The following CNTNAP2 variants were observed in gnomAD, a reference collection of about 807,000 sequenced individuals.
CNTNAP2 encodes contactin associated protein 2, also known as contactin-associated protein-like 2.
CNTNAP2 carries 98 observed loss-of-function variants against 155.2 expected under a neutral mutation model. The ratio of observed to expected loss-of-function variants is 0.63; its 90% CI spans 0.54 to 0.75. CNTNAP2 has a LOEUF of 0.75. CNTNAP2 is among the 30% of genes least tolerant of loss of function. The pLI, the probability that CNTNAP2 is intolerant of heterozygous loss-of-function variation, is 0.00. For synonymous variants in CNTNAP2, 651 were observed against 631.2 expected, an observed-to-expected ratio of 1.03 and a Z score of -0.47; for missense variants, 1,727 against 1,688.1, an observed-to-expected ratio of 1.02 and a Z score of -0.40.
At chr7:146,932,253 T>C (rs1166788343) in intron 3 of CNTNAP2, among the ~76,000 whole-genome samples, 1 of 152,200 alleles carries the variant, frequency 6.6e-6, no homozygotes, top group African/African-American at 2.4e-5. Context: ...CAAGTGGGCT[T>C]CATCCCTGGG....
intron 1 of CNTNAP2, among the ~76,000 whole-genome samples, chr7:146,266,825 T>C (rs1444468140): frequency 1.3e-5 from 2 of 151,016 alleles, no homozygotes; most frequent in Admixed American, 1.3e-4. Flanking sequence ...TCACACTCCG[T>C]CCACATCCTC....
At chr7:147,371,631 C>T (rs540826389) in intron 9 of CNTNAP2, among the ~76,000 whole-genome samples, 1 of 152,006 alleles carries the variant, frequency 6.6e-6, no homozygotes, top group East Asian at 1.9e-4. Context: ...ACCAAGTTCT[C>T]CTAGATTCAC....
intron 13 of CNTNAP2, among the ~76,000 whole-genome samples, chr7:147,721,645 A>G (rs1228529120): frequency 1.3e-5 from 2 of 152,052 alleles, no homozygotes; most frequent in Non-Finnish European, 1.5e-5. Context: ...TATTTCTGTC[A>G]TCTAAAAAAT....
At chr7:146,360,278 G>A (rs1325507267) in intron 1 of CNTNAP2, among the ~76,000 whole-genome samples, 1 of 152,058 alleles carries the variant, frequency 6.6e-6, no homozygotes, top group East Asian at 1.9e-4. Flanking sequence ...TCAGTGAGTG[G>A]GTTATAATCC....
intron 4 of CNTNAP2, among the ~76,000 whole-genome samples, chr7:147,062,665 G>A (rs59383933): frequency 0.04 from 6,031 of 152,180 alleles, 292 homozygotes; most frequent in East Asian, 0.19. Context: ...CACCATGGCT[G>A]GCTGAAGGTA....
chr7:146,238,257 C>T (rs1430889774), intron 1 of CNTNAP2, among the ~76,000 whole-genome samples: 2 of 152,114 alleles, frequency 1.3e-5, no homozygotes, highest in African/African-American at 2.4e-5. Context: ...GAATCAGGAA[C>T]GAATGGTTGT....
At chr7:146,929,405 A>C (rs1479723852) in intron 3 of CNTNAP2, among the ~76,000 whole-genome samples, 1 of 152,178 alleles carries the variant, frequency 6.6e-6, no homozygotes, top group Non-Finnish European at 1.5e-5. Flanking sequence ...AAACTAACAA[A>C]CATAAAGGAC....
At chr7:146,685,727 GA>G (rs11384116) in intron 1 of CNTNAP2, among the ~76,000 whole-genome samples, 32 of 149,192 alleles carry the variant, frequency 2.1e-4, no homozygotes, top group Admixed American at 7.3e-4. Flanking sequence ...AGGTGAATTA[GA>G]AAAAAAAAAT....
At chr7:148,116,087 C>T (rs1563204247) in intron 15 of CNTNAP2, among the ~76,000 whole-genome samples, 1 of 151,232 alleles carries the variant, frequency 6.6e-6, no homozygotes, top group Non-Finnish European at 1.5e-5. Flanking sequence ...TGCAGTGAGC[C>T]TAGATCGTGC....
chr7:146,975,727 G>C (rs1797897053), intron 3 of CNTNAP2, among the ~76,000 whole-genome samples: 1 of 152,122 alleles, frequency 6.6e-6, no homozygotes, highest in Non-Finnish European at 1.5e-5. Context: ...AATTAGGAAG[G>C]CTTTATTTTG....
intron 9 of CNTNAP2, among the ~76,000 whole-genome samples, chr7:147,310,710 T>G (rs1203881904): frequency 6.6e-6 from 1 of 150,858 alleles, no homozygotes; most frequent in Non-Finnish European, 1.5e-5. Context: ...GTATCCTTCA[T>G]GTTTCATGAA....
chr7:148,069,140 T>A (rs1294996105), intron 15 of CNTNAP2, among the ~76,000 whole-genome samples: 1 of 152,218 alleles, frequency 6.6e-6, no homozygotes, highest in Non-Finnish European at 1.5e-5. Context: ...CTGTTTTATA[T>A]ATTTTGTCCA....
At chr7:146,931,561 GCAGAA>G (rs1384495575) in intron 3 of CNTNAP2, among the ~76,000 whole-genome samples, 10 of 150,762 alleles carry the variant, frequency 6.6e-5, no homozygotes, top group Non-Finnish European at 1.3e-4. Flanking sequence ...TCAAAAGCTA[GCAGAA>G]GGCAAGAAAT....
chr7:148,411,825 G>C (rs181971726), intron 23 of CNTNAP2, among the ~76,000 whole-genome samples: 2 of 147,224 alleles, frequency 1.4e-5, no homozygotes, highest in Non-Finnish European at 3.0e-5. Flanking sequence ...GAATTTTCTT[G>C]GCACTTTTGT....
chr7:146,327,496 C>T (rs548817994), intron 1 of CNTNAP2, among the ~76,000 whole-genome samples: 12 of 152,198 alleles, frequency 7.9e-5, no homozygotes, highest in Admixed American at 2.0e-4. Flanking sequence ...TAGAATGTAA[C>T]TCCTGAAATA....
chr7:146,886,150 T>C (rs1427965708), intron 3 of CNTNAP2, among the ~76,000 whole-genome samples: 1 of 152,038 alleles, frequency 6.6e-6, no homozygotes, highest in African/African-American at 2.4e-5. Flanking sequence ...AAAGAGCATC[T>C]GAAGCCTAGA....
chr7:148,211,134 G>A (rs73744788), intron 18 of CNTNAP2, among the ~76,000 whole-genome samples: 2 of 152,326 alleles, frequency 1.3e-5, no homozygotes, highest in African/African-American at 2.4e-5. Context: ...AGCAGTTAAT[G>A]AGAGTGATCA....
intron 3 of CNTNAP2, among the ~76,000 whole-genome samples, chr7:146,985,104 A>G (rs541869302): frequency 6.6e-6 from 1 of 152,210 alleles, no homozygotes; most frequent in African/African-American, 2.4e-5. Context: ...GAATCTTCCT[A>G]ATTTAAGTCA....
chr7:147,505,355 TA>T (rs1798888101), intron 11 of CNTNAP2, among the ~76,000 whole-genome samples: 1 of 151,678 alleles, frequency 6.6e-6, no homozygotes, highest in Non-Finnish European at 1.5e-5. Flanking sequence ...CTTCAAACAA[TA>T]AAATGTTGCC....
Sources: gnomAD v4.1 joint callset for allele counts (sites outside exome capture counted in the v4.1 genomes callset) on GRCh38, gnomAD v4.1.1 for gene constraint, MANE v1.5 for transcripts, NCBI Gene and HGNC (gene_info 2026-07-23, HGNC 2026-07-21) for gene names.